Variants in SH3PXD2B observed in about 807,000 individuals in gnomAD.
SH3PXD2B encodes the protein SH3 and PX domains 2B.
Under a neutral mutation model 73.1 loss-of-function variants are expected in SH3PXD2B, and 37 were observed. The ratio of observed to expected loss-of-function variants is 0.51; its 90% confidence interval spans 0.39 to 0.67. The LOEUF is 0.67. SH3PXD2B is among the 30% of genes least tolerant of loss of function. The pLI is 0.00. For missense variants in SH3PXD2B, 1,053 were observed against 1,197.8 expected (o/e 0.88, Z 1.78); for synonymous variants, 457 against 480.5 (o/e 0.95, Z 0.64).
intron 1 of SH3PXD2B, among the ~76,000 whole-genome samples, chr5:172,424,269 C>G (rs6895137): frequency 0.042 from 6,327 of 152,190 alleles, 277 homozygotes; most frequent in African/African-American, 0.11. Context: ...CGGAAGTGGG[C>G]AGGAGAGAGA....
rs984652457 is a variant in SH3PXD2B at position 172,334,175 on chromosome 5, T to A, written c.*4194A>T. On this transcript the variant is annotated 3_prime_UTR_variant, in exon 13 of 13. Transcript: ENST00000311601. ...TGTTGAAACATGAGGAGGAGCTCGATAACTTGGCAGAATAGCACCAGAAAC... is the reference window on the plus strand; with the variant it reads ...TGTTGAAACATGAGGAGGAGCTCGAAAACTTGGCAGAATAGCACCAGAAAC... 1.8e-6 allele frequency: 2 copies of A among 1,107,118 alleles called. No individual in the cohort carries two copies. The highest frequency in any genetic ancestry group is 2.2e-6 in the Non-Finnish European group (2 of 905,482). 68.6% of individuals were successfully genotyped at this position (1,107,118 alleles called of 1,614,324 possible).
At chr5:172,429,089 T>C (rs1409958731) in intron 1 of SH3PXD2B, among the ~76,000 whole-genome samples, 3 of 152,346 alleles carry the variant, frequency 2.0e-5, no homozygotes, top group East Asian at 1.9e-4. Flanking sequence ...GTCTTGTTAA[T>C]GGACTGCTGT....
At chr5:172,426,474 G>A (rs1038746404) in intron 1 of SH3PXD2B, among the ~76,000 whole-genome samples, 1 of 152,226 alleles carries the variant, frequency 6.6e-6, no homozygotes, top group African/African-American at 2.4e-5. Flanking sequence ...CGCACTAGGA[G>A]TGCAACGTTC....
chr5:172,411,539 G>C (rs1372329871), intron 2 of SH3PXD2B, among the ~76,000 whole-genome samples: 2 of 152,140 alleles, frequency 1.3e-5, no homozygotes, highest in Non-Finnish European at 2.9e-5. Context: ...ACAGCCCTGG[G>C]GTTCAATCCT....
chr5:172,442,824 C>T (rs1416255177), intron 1 of SH3PXD2B, among the ~76,000 whole-genome samples: 1 of 152,180 alleles, frequency 6.6e-6, no homozygotes, highest in Non-Finnish European at 1.5e-5. Flanking sequence ...TTGTTAGCCT[C>T]ATTCTGTAGA....
intron 1 of SH3PXD2B, among the ~76,000 whole-genome samples, chr5:172,434,788 T>TTTTTTTGTTTTTG (rs1561581274): frequency 5.9e-5 from 3 of 50,954 alleles, no homozygotes; most frequent in Admixed American, 1.7e-4. Flanking sequence ...AATGGTTTTT[T>TTTTTTTGTTTTTG]TTTTTTTTTT....
At chr5:172,354,672 A>G (rs1757232942) in intron 8 of SH3PXD2B, among the ~76,000 whole-genome samples, 2 of 152,170 alleles carry the variant, frequency 1.3e-5, no homozygotes, top group Non-Finnish European at 2.9e-5. Context: ...TTCAGGCTGA[A>G]ATCACTACTG....
chr5:172,330,620 C>T (rs76364150), downstream of SH3PXD2B, among the ~76,000 whole-genome samples: 3,388 of 152,308 alleles, frequency 0.022, 87 homozygotes, highest in African/African-American at 0.064. Context: ...AACTAATGTA[C>T]CTTCAGAACA....
At position 172,338,830 on chromosome 5, in the gene SH3PXD2B, G is replaced by A. The variant is rs1319032853; in HGVS notation, c.2275C>T (p.Pro759Ser). ...TTCTTTGGGGGAGGTGGTCTGCGGG[G>A]TGGGACCACAGGTCTCTGCTGGGGA... is the stretch of plus-strand genomic sequence containing the variant. ...EAPQQRPVVP[P>S]RRPPPPKKTS... The change falls in exon 13 of 13, where the codon CCC (proline) becomes TCC (serine). Residue 759 changes from proline (P) to serine (S), a missense_variant. Around this residue, in one of 2 missense-constraint regions of SH3PXD2B, gnomAD observed 587 missense variants for 590.7 expected, o/e 0.99. Transcript: ENST00000311601. This position sits in a 1 kb window ranked among gnomAD's most constrained non-coding sequence, Gnocchi z 5.1. 2 of 1,614,112 alleles carry A rather than the reference G, an allele frequency of 1.2e-6. No individual in the cohort carries two copies. The highest frequency in any genetic ancestry group is 3.3e-5 in the Admixed American group (2 of 60,028).
intron 1 of SH3PXD2B, among the ~76,000 whole-genome samples, chr5:172,425,274 G>A (rs1759068978): frequency 6.6e-6 from 1 of 152,068 alleles, no homozygotes; most frequent in Non-Finnish European, 1.5e-5. Context: ...CTCTGCTAGG[G>A]GTTGAGATAC....
chr5:172,432,677 C>G (rs2569216), intron 1 of SH3PXD2B, among the ~76,000 whole-genome samples: 66,486 of 151,922 alleles, frequency 0.44, 14,725 homozygotes, highest in African/African-American at 0.51. Context: ...AGCATTTTGG[C>G]AGGCCGAGGC....
Position 172,336,936 on chromosome 5 carries a change from T to A in SH3PXD2B, c.*1433A>T, listed in dbSNP as rs1401622650. Reference sequence around the variant, plus strand: ...TGAAAAAAGAAAAAAACATTACAAATGCCGGAGAGGCACAGGAAGCAGCTC... The same window carrying A: ...TGAAAAAAGAAAAAAACATTACAAAAGCCGGAGAGGCACAGGAAGCAGCTC... On this transcript the variant is annotated 3_prime_UTR_variant, in exon 13 of 13. Coordinates refer to ENST00000311601, the MANE Select transcript of SH3PXD2B (RefSeq NM_001017995.3). 1.0e-6 allele frequency: 1 copy of A among 985,420 alleles called. No individual in the cohort carries two copies. Among genetic ancestry groups the A allele is most frequent in the African/African-American group, 1.7e-5 (1 of 57,232 alleles). 61.0% of individuals were successfully genotyped at this position (985,420 alleles called of 1,614,324 possible). A position where few individuals can be genotyped will look rare whatever the true frequency, so the allele number is the denominator to read the frequency against.
chr5:172,368,525 A>G lies in SH3PXD2B; in HGVS notation c.427+5265T>C, dbSNP rs867116004. Among the ~76,000 whole-genome samples the G allele has an allele frequency of 3.5e-3, 78 of 22,302 alleles. 12 individuals are homozygous for G. The highest frequency in any genetic ancestry group is 0.024 in the African/African-American group (73 of 2,994). The allele number at this position is 22,302 out of a possible 152,430, so 14.6% of individuals were successfully genotyped here. ...ATATATATATATAAAATATATATAT[A>G]TTATATATATATATAAAATATATAT... On this transcript the variant is annotated intron_variant, in intron 6 of 12. Transcript: ENST00000311601.
intron 10 of SH3PXD2B, among the ~76,000 whole-genome samples, chr5:172,348,671 C>CTATCTATCTATCTATCTTATCT (rs1757071693): frequency 3.1e-4 from 17 of 55,626 alleles, no homozygotes; most frequent in South Asian, 1.1e-3. Flanking sequence ...ATCTATCTAT[C>CTATCTATCTATCTATCTTATCT]TATCTATCTA....
chr5:172,397,391 C>T (rs999380876), intron 3 of SH3PXD2B, among the ~76,000 whole-genome samples: 1 of 152,214 alleles, frequency 6.6e-6, no homozygotes, highest in South Asian at 2.1e-4. Context: ...GCCCTGCCTC[C>T]ATTTGCCTTG....
At chr5:172,352,038 A>T (rs1324415866) in intron 9 of SH3PXD2B, among the ~76,000 whole-genome samples, 2 of 152,182 alleles carry the variant, frequency 1.3e-5, no homozygotes, top group Non-Finnish European at 2.9e-5. Flanking sequence ...GTCACTTTCT[A>T]GCATCAGTCA....
chr5:172,346,486 T>G (rs1035978681), intron 11 of SH3PXD2B, among the ~76,000 whole-genome samples: 1 of 151,970 alleles, frequency 6.6e-6, no homozygotes, highest in Admixed American at 6.6e-5. Flanking sequence ...CACGGGACAT[T>G]TGGGTACAAT....
rs766153965 is a variant in SH3PXD2B at position 172,338,916 on chromosome 5, G to A, written c.2189C>T (p.Pro730Leu). ...SPKEISCRAP[P>L]RPAKTTDPVS... Reference sequence around the variant, plus strand: ...AGGATCTGTGGTCTTGGCTGGCCTCGGAGGGGCTCTGCAGGAAATCTCTTT... The same window carrying A: ...AGGATCTGTGGTCTTGGCTGGCCTCAGAGGGGCTCTGCAGGAAATCTCTTT... Residue 730 changes from proline to leucine, a missense_variant, in exon 13 of 13, where the codon CCG (proline) becomes CTG (leucine). Pro to Leu is a moderately conservative substitution (Grantham distance 98). This residue lies in a region of SH3PXD2B where 587 missense variants were observed against 590.7 expected (regional missense o/e 0.99). Transcript: ENST00000311601. This position sits in a 1 kb window ranked among gnomAD's most constrained non-coding sequence, Gnocchi z 5.1. 97 of 1,613,950 alleles carry A rather than the reference G, an allele frequency of 6.0e-5. No homozygotes were observed. In the Middle Eastern group the frequency reaches 2.1e-3, roughly 36 times the overall value.
chr5:172,333,808 C>G lies in SH3PXD2B; in HGVS notation c.*4561G>C. ...AGAAATGGCCTGTTACTTGGAAGCT[C>G]CCCAAAGCAGGAAATGTGGGTTGTA... On this transcript the variant is annotated 3_prime_UTR_variant, in exon 13 of 13. Coordinates refer to ENST00000311601, the MANE Select transcript of SH3PXD2B (RefSeq NM_001017995.3). 1 of 1,288,722 alleles carries G rather than the reference C, an allele frequency of 7.8e-7. No homozygotes were observed. Among genetic ancestry groups the G allele is most frequent in the South Asian group, 1.2e-5 (1 of 80,774 alleles). 79.8% of individuals were successfully genotyped at this position (1,288,722 alleles called of 1,614,324 possible). A position where few individuals can be genotyped will look rare whatever the true frequency, so the allele number is the denominator to read the frequency against.
Sources: allele counts gnomAD v4.1 joint callset (sites outside exome capture counted in the v4.1 genomes callset), GRCh38; gene constraint gnomAD v4.1.1; regional missense constraint gnomAD v4.1.1; non-coding constraint Gnocchi (gnomAD v3.1); transcripts MANE v1.5; gene names NCBI Gene and HGNC (gene_info 2026-07-23, HGNC 2026-07-21).